Variants in PTPRB observed in about 807,000 individuals in gnomAD.
The protein encoded by PTPRB is protein tyrosine phosphatase receptor type B, also known as receptor-type tyrosine-protein phosphatase beta.
A neutral mutation model predicts 238.1 loss-of-function variants in PTPRB; 97 were observed. That is an observed-to-expected ratio of 0.41 (90% CI 0.35 to 0.48). The LOEUF is 0.48. Among genes scored for constraint, PTPRB ranks in the 20% least tolerant of loss-of-function variants. PTPRB has a pLI of 0.30. For missense variants in PTPRB, 2,292 were observed against 2,681.9 expected, an observed-to-expected ratio of 0.85 and a Z score of 3.21; for synonymous variants, 970 against 995.4, an observed-to-expected ratio of 0.97 and a Z score of 0.48.
chr12:70,533,280 C>T (rs1873571998), intron 31 of PTPRB, among the ~76,000 whole-genome samples: 1 of 151,964 alleles, frequency 6.6e-6, no homozygotes, highest in South Asian at 2.1e-4. Context: ...GTGAGTGCCT[C>T]ACCTTCCTAT....
At chr12:70,604,509 T>C (rs1322834360) in intron 4 of PTPRB, among the ~76,000 whole-genome samples, 2 of 152,222 alleles carry the variant, frequency 1.3e-5, no homozygotes, top group East Asian at 3.9e-4. Flanking sequence ...ATTCTTTCCA[T>C]GTGGGGTAGA....
intron 33 of PTPRB, among the ~76,000 whole-genome samples, chr12:70,522,856 G>GT (rs1871806281): frequency 2.7e-5 from 3 of 111,468 alleles, no homozygotes; most frequent in African/African-American, 3.8e-5. Flanking sequence ...TCTTTTGTTT[G>GT]TTTTTTCTTT....
chr12:70,543,920 A>G (rs961152826), intron 22 of PTPRB, among the ~76,000 whole-genome samples: 1 of 152,234 alleles, frequency 6.6e-6, no homozygotes, highest in African/African-American at 2.4e-5. Flanking sequence ...TGAGAATTGG[A>G]CAAGTTATCC....
At chr12:70,549,611 G>T (rs1469186468) in intron 21 of PTPRB, among the ~76,000 whole-genome samples, 2 of 152,020 alleles carry the variant, frequency 1.3e-5, no homozygotes, top group African/African-American at 4.8e-5. Context: ...TATTCGCTTT[G>T]GAAAAAAGGA....
At chr12:70,565,988 GA>G (rs1173544986) in intron 15 of PTPRB, among the ~76,000 whole-genome samples, 1 of 152,156 alleles carries the variant, frequency 6.6e-6, no homozygotes, top group Non-Finnish European at 1.5e-5. Flanking sequence ...TCACTGTTGG[GA>G]GGGGGACACG....
intron 27 of PTPRB, 128 bp from the exon 28 acceptor site, chr12:70,538,359 A>C (rs1036524682): frequency 1.6e-5 from 12 of 743,572 alleles, no homozygotes; most frequent in South Asian, 9.8e-5. Flanking sequence ...TCCATTTTGC[A>C]GATGAGGCTC....
intron 33 of PTPRB, chr12:70,522,774 C>G (rs1871791099): frequency 6.6e-6 from 1 of 151,594 alleles, no homozygotes; most frequent in Admixed American, 6.6e-5. Flanking sequence ...CAGTCTTTTT[C>G]CTTATGCGTT....
rs1215360499 is a variant in PTPRB, at chr12:70,517,606, T to A, written c.*3883A>T. On this transcript the variant is annotated 3_prime_UTR_variant, in exon 34 of 34. Coordinates refer to ENST00000334414, the MANE Select transcript of PTPRB (RefSeq NM_001109754.4). ...TCAGTTATTCCTTATTGCCACTCTG[T>A]CTTGGCTAATCAGTTATATTTTCAT... The A allele has an allele frequency of 6.6e-6, 1 of 152,220 alleles. No individual in the cohort carries two copies. Among genetic ancestry groups the A allele is most frequent in the East Asian group, 1.9e-4 (1 of 5,188 alleles). The allele number at this position is 152,220 out of a possible 1,614,324, so 9.4% of individuals were successfully genotyped here. A position where few individuals can be genotyped will look rare whatever the true frequency, so the allele number is the denominator to read the frequency against.
At chr12:70,576,280 G>A (rs1880676083) in intron 11 of PTPRB, 102 bp downstream of exon 11, 2 of 1,282,514 alleles carry the variant, frequency 1.6e-6, no homozygotes, top group East Asian at 4.9e-5. Flanking sequence ...GTGATCTCAA[G>A]GGCCTTTCAT....
intron 2 of PTPRB, among the ~76,000 whole-genome samples, chr12:70,624,304 G>T (rs146854548): frequency 6.6e-6 from 1 of 151,982 alleles, no homozygotes; most frequent in Non-Finnish European, 1.5e-5. Context: ...CGAGTGCTGC[G>T]TATATTATCT....
chr12:70,557,643 G>A (rs1170998163), intron 18 of PTPRB, among the ~76,000 whole-genome samples: 1 of 152,194 alleles, frequency 6.6e-6, no homozygotes, highest in Non-Finnish European at 1.5e-5. Flanking sequence ...AGTCTCATGT[G>A]CATAGTCTAT....
At chr12:70,600,891 G>A (rs990968354) in intron 4 of PTPRB, among the ~76,000 whole-genome samples, 2 of 151,062 alleles carry the variant, frequency 1.3e-5, no homozygotes, top group Non-Finnish European at 3.0e-5. Flanking sequence ...TTTTTGAGAT[G>A]GAGTCTAGCT....
At chr12:70,589,235 T>C (rs1456094782) in intron 8 of PTPRB, among the ~76,000 whole-genome samples, 1 of 152,194 alleles carries the variant, frequency 6.6e-6, no homozygotes, top group African/African-American at 2.4e-5. Context: ...TCATGATCCT[T>C]TTCTTTGACA....
intron 11 of PTPRB, among the ~76,000 whole-genome samples, chr12:70,574,878 G>A (rs1319991352): frequency 6.6e-6 from 1 of 152,124 alleles, no homozygotes; most frequent in African/African-American, 2.4e-5. Flanking sequence ...AACAATCTCA[G>A]CAAAAGACTT....
rs1240592790 is a variant in PTPRB at position 70,519,651 on chromosome 12, T to C, written c.*1838A>G. 1 of 152,266 alleles carries C rather than the reference T, an allele frequency of 6.6e-6. No homozygotes were observed. The allele number at this position is 152,266 out of a possible 1,614,324, so 9.4% of individuals were successfully genotyped here. A position where few individuals can be genotyped will look rare whatever the true frequency, so the allele number is the denominator to read the frequency against. ...TTTCTTTTCAATGTAGGAAAGGTGA[T>C]TTCTAATGGATGCCACACGTTGTAG... On this transcript the variant is annotated 3_prime_UTR_variant, in exon 34 of 34. Transcript: ENST00000334414.
At chr12:70,534,395 C>A in intron 31 of PTPRB, 93 bp downstream of exon 31, 1 of 1,424,004 alleles carries the variant, frequency 7.0e-7, no homozygotes, top group Non-Finnish European at 9.5e-7. Context: ...AATCCTCCAC[C>A]CACCAAATTC....
intron 11 of PTPRB, 23 bp from the exon 12 acceptor site, chr12:70,572,110 CTAAA>C (rs767932290): frequency 6.3e-6 from 10 of 1,579,664 alleles, no homozygotes. Context: ...CAGAGAGTAA[CTAAA>C]TATTTATGAA....
intron 19 of PTPRB, 33 bp downstream of exon 19, chr12:70,555,837 G>T (rs116126300): frequency 5.0e-6 from 8 of 1,605,646 alleles, no homozygotes; most frequent in Non-Finnish European, 6.8e-6. Context: ...TCCAGTGACA[G>T]GAGGCTCTGT....
rs751217654 is a variant in PTPRB at position 70,594,659 on chromosome 12, G to A, written c.1324C>T (p.His442Tyr). 6.2e-6 allele frequency: 10 copies of A among 1,613,988 alleles called. No individual in the cohort carries two copies. The highest frequency in any genetic ancestry group is 3.3e-5 in the South Asian group (3 of 91,074). The change falls in exon 6 of 34, where the codon CAT becomes TAT. Residue 442 changes from histidine (H) to tyrosine (Y), a missense_variant. Coordinates refer to ENST00000334414, the MANE Select transcript of PTPRB (RefSeq NM_001109754.4). The stretch of plus-strand genomic sequence containing the variant: ...TATCGTTCCACATTCCCAGAACCAT[G>A]GGACCAGGAAATCAGGAGAGAATTG... The part of the protein sequence containing the change: ...KANSLLISWS[H>Y]GSGNVERYRL...
Sources: gnomAD v4.1 joint callset for allele counts (sites outside exome capture counted in the v4.1 genomes callset) on GRCh38, gnomAD v4.1.1 for gene constraint, MANE v1.5 for transcripts, NCBI Gene and HGNC (gene_info 2026-07-23, HGNC 2026-07-21) for gene names.